Variants in PCNX2 observed in about 807,000 individuals in gnomAD.
PCNX2 encodes the protein pecanex 2.
PCNX2 carries 168 observed loss-of-function variants against 223.8 expected under a neutral mutation model. The observed-to-expected ratio is 0.75, with a 90% CI of 0.66 to 0.85. PCNX2 has a LOEUF of 0.85. Among genes scored for constraint, PCNX2 ranks in the 40% least tolerant of loss-of-function variants. The probability of loss-of-function intolerance (pLI) is 0.00; values close to 1 mark genes in which losing one functional copy is unlikely to be tolerated. For missense variants in PCNX2, 2,507 were observed against 2,675.5 expected, an observed-to-expected ratio of 0.94 and a Z score of 1.39; for synonymous variants, 1,006 against 1,052.6, an observed-to-expected ratio of 0.96 and a Z score of 0.86.
chr1:233,016,287 CCAA>C (rs563121511), intron 27 of PCNX2, among the ~76,000 whole-genome samples: 14 of 152,344 alleles, frequency 9.2e-5, no homozygotes, highest in African/African-American at 3.4e-4. Context: ...CCCACATTTT[CCAA>C]CAACAACCCA....
At chr1:233,075,284 A>C (rs750086578) in intron 23 of PCNX2, among the ~76,000 whole-genome samples, 18 of 152,228 alleles carry the variant, frequency 1.2e-4, no homozygotes, top group Non-Finnish European at 2.4e-4. Flanking sequence ...ACTTGGATGA[A>C]TCTCCACTGA....
At chr1:233,217,752 T>TTATA (rs567676899) in intron 12 of PCNX2, 147 bp downstream of exon 12, 58 of 791,014 alleles carry the variant, frequency 7.3e-5, no homozygotes, top group Non-Finnish European at 1.0e-4. Context: ...CACCATGCAC[T>TTATA]TATATATATA....
intron 21 of PCNX2, among the ~76,000 whole-genome samples, chr1:233,113,572 C>G (rs564078470): frequency 6.6e-6 from 1 of 152,300 alleles, no homozygotes; most frequent in African/African-American, 2.4e-5. Flanking sequence ...TTATTACGAG[C>G]CTGCCTCTTG....
intron 1 of PCNX2, among the ~76,000 whole-genome samples, chr1:233,283,137 T>C (rs1438212272): frequency 2.0e-5 from 3 of 151,922 alleles, no homozygotes; most frequent in African/African-American, 7.3e-5. Context: ...ACTGAGCAAA[T>C]GATATTGTTG....
Position 232,983,647 on chromosome 1 carries a change from A to G in PCNX2, c.*657T>C, listed in dbSNP as rs1253524390. ...GACTCAGTTTCTAAACTCACATCCTAACGTATCCTGGCTTTTCACAGAATA... is the reference window on the plus strand; with the variant it reads ...GACTCAGTTTCTAAACTCACATCCTGACGTATCCTGGCTTTTCACAGAATA... On this transcript the variant is annotated 3_prime_UTR_variant, in exon 34 of 34. Transcript: ENST00000258229. 6.6e-6 allele frequency: 1 copy of G among 152,194 alleles called. No individual in the cohort carries two copies. The highest frequency in any genetic ancestry group is 1.9e-4 in the East Asian group (1 of 5,198). The allele number at this position is 152,194 out of a possible 1,614,324, so 9.4% of individuals were successfully genotyped here. A position where few individuals can be genotyped will look rare whatever the true frequency, so the allele number is the denominator to read the frequency against.
intron 28 of PCNX2, among the ~76,000 whole-genome samples, chr1:233,004,727 T>C (rs1477582285): frequency 6.6e-6 from 1 of 152,210 alleles, no homozygotes; most frequent in East Asian, 1.9e-4. Context: ...ATCAGGGAAA[T>C]AGTTCCACTG....
intron 13 of PCNX2, chr1:233,202,151 T>C (rs1558338271): frequency 4.3e-6 from 2 of 465,548 alleles, no homozygotes; most frequent in Non-Finnish European, 8.9e-6. Flanking sequence ...CTTGTTATGT[T>C]ACCAGGACTT....
intron 25 of PCNX2, among the ~76,000 whole-genome samples, chr1:233,047,891 A>T (rs770794093): frequency 3.4e-4 from 52 of 152,162 alleles, no homozygotes; most frequent in Admixed American, 3.1e-3. Flanking sequence ...TACTCCACCC[A>T]TCAACCACAG....
chr1:233,052,436 C>G (rs1672040809), intron 25 of PCNX2, among the ~76,000 whole-genome samples: 1 of 152,190 alleles, frequency 6.6e-6, no homozygotes, highest in Admixed American at 6.5e-5. Flanking sequence ...CTGCTGAGAA[C>G]TACATCGGAT....
At chr1:233,143,576 C>T (rs759192846) in intron 19 of PCNX2, among the ~76,000 whole-genome samples, 14 of 152,148 alleles carry the variant, frequency 9.2e-5, no homozygotes, top group Non-Finnish European at 2.1e-4. Context: ...CTGGGCAAGG[C>T]AATCTGTGTT....
chr1:233,294,822 T>A (rs1661974576), intron 1 of PCNX2, among the ~76,000 whole-genome samples: 1 of 144,216 alleles, frequency 6.9e-6, no homozygotes, highest in African/African-American at 2.5e-5. Flanking sequence ...TACATAGTGG[T>A]GTAGAAATTA....
intron 15 of PCNX2, among the ~76,000 whole-genome samples, chr1:233,185,089 ACACAC>A (rs1680017101): frequency 6.1e-5 from 1 of 16,428 alleles, no homozygotes; most frequent in Non-Finnish European, 1.5e-4. Context: ...ACATAAACAC[ACACAC>A]ACACACACAC....
At chr1:233,181,469 A>C (rs1285561446) in intron 15 of PCNX2, among the ~76,000 whole-genome samples, 1 of 152,244 alleles carries the variant, frequency 6.6e-6, no homozygotes, top group East Asian at 1.9e-4. Context: ...AAGTGCTGGG[A>C]TTAAAGGGTG....
At position 233,000,508 on chromosome 1, in the gene PCNX2, C is replaced by T; in HGVS notation, c.5125G>A (p.Glu1709Lys). ...GCCTCGTAGAGGACTGCTGGGTCTT[C>T]ATACTCGTCAGGGCAAGTGAACTGG... Reference protein sequence around the residue: ...QDQFTCPDEYEDPAVLYEAIQ... With the variant: ...QDQFTCPDEYKDPAVLYEAIQ... Residue 1709 changes from glutamate (E) to lysine (K), a missense_variant, in exon 30 of 34, where the codon GAA becomes AAA. By Grantham distance (56) the Glu-to-Lys change is moderately conservative. This residue lies in a region of PCNX2 where 1,372 missense variants were observed against 1,509.4 expected (regional missense o/e 0.91). Coordinates refer to ENST00000258229, the MANE Select transcript of PCNX2 (RefSeq NM_014801.4). This position sits in a 1 kb window ranked among gnomAD's most constrained non-coding sequence, Gnocchi z 4.6. 1.2e-6 allele frequency: 2 copies of T among 1,601,862 alleles called. No homozygotes were observed. The highest frequency in any genetic ancestry group is 1.7e-6 in the Non-Finnish European group (2 of 1,176,604).
chr1:233,096,790 C>T (rs1455755714), intron 21 of PCNX2, among the ~76,000 whole-genome samples: 1 of 152,054 alleles, frequency 6.6e-6, no homozygotes, highest in African/African-American at 2.4e-5. Flanking sequence ...TTATATAAAA[C>T]AGAAGGTCAC....
intron 23 of PCNX2, among the ~76,000 whole-genome samples, chr1:233,075,267 A>G (rs1673040210): frequency 6.6e-6 from 1 of 152,236 alleles, no homozygotes; most frequent in South Asian, 2.1e-4. Context: ...AACTAATGAC[A>G]CATACAACTT....
chr1:232,988,262 GA>G (rs1434855042), intron 32 of PCNX2, among the ~76,000 whole-genome samples: 185 of 152,308 alleles, frequency 1.2e-3, no homozygotes, highest in Non-Finnish European at 2.0e-3. Flanking sequence ...ATGCTCAATA[GA>G]AGACCACCCA....
intron 26 of PCNX2, among the ~76,000 whole-genome samples, chr1:233,019,814 G>A (rs1670815957): frequency 1.3e-5 from 2 of 152,122 alleles, no homozygotes; most frequent in African/African-American, 2.4e-5. Flanking sequence ...GAATCTGGAG[G>A]GTTTTCTCTT....
intron 27 of PCNX2, among the ~76,000 whole-genome samples, chr1:233,015,425 G>A (rs1670618280): frequency 6.6e-6 from 1 of 152,138 alleles, no homozygotes. Context: ...GTGGCCGGGC[G>A]CGGTGGCTCA....
Sources: gnomAD v4.1 joint callset for allele counts (sites outside exome capture counted in the v4.1 genomes callset) on GRCh38, gnomAD v4.1.1 for gene constraint, gnomAD v4.1.1 regional missense constraint, Gnocchi (gnomAD v3.1) non-coding constraint, MANE v1.5 for transcripts, NCBI Gene and HGNC (gene_info 2026-07-23, HGNC 2026-07-21) for gene names.